H2BN1: variants seen among roughly 807,000 people sequenced by gnomAD.
The protein encoded by H2BN1 is histone H2B.N.
the H2BN1 span, among the ~76,000 whole-genome samples, chr17:32,899,541 A>G: frequency 3.9e-5 from 6 of 152,232 alleles, no homozygotes; most frequent in African/African-American, 4.8e-5. Flanking sequence ...AGGAAAGCAC[A>G]CCATTCCAGT....
chr17:32,898,883 G>GT, the H2BN1 span, among the ~76,000 whole-genome samples: 2 of 152,176 alleles, frequency 1.3e-5, no homozygotes, highest in East Asian at 1.9e-4. Flanking sequence ...TTCTTCTGAA[G>GT]TTTAAGTTGT....
the H2BN1 span, among the ~76,000 whole-genome samples, chr17:32,899,269 G>C: frequency 2.0e-5 from 3 of 152,146 alleles, no homozygotes; most frequent in African/African-American, 4.8e-5. Flanking sequence ...TTGTTCCATA[G>C]AAAGAAACTT....
the H2BN1 span, among the ~76,000 whole-genome samples, chr17:32,899,214 G>A: frequency 6.6e-6 from 1 of 152,172 alleles, no homozygotes. Context: ...AGTATAGCAA[G>A]AAAAATTTTT....
the H2BN1 span, among the ~76,000 whole-genome samples, chr17:32,901,832 C>T: frequency 6.6e-6 from 1 of 152,110 alleles, no homozygotes; most frequent in Non-Finnish European, 1.5e-5. Context: ...AAGAAAATTT[C>T]ATTGTTCTAA....
the H2BN1 span, among the ~76,000 whole-genome samples, chr17:32,897,032 A>C: frequency 6.6e-6 from 1 of 152,026 alleles, no homozygotes; most frequent in Non-Finnish European, 1.5e-5. Context: ...GCCACCTTGT[A>C]CCTCCCAAGG....
chr17:32,900,668 G>A, the H2BN1 span, among the ~76,000 whole-genome samples: 6 of 151,758 alleles, frequency 4.0e-5, no homozygotes, highest in African/African-American at 1.5e-4. Flanking sequence ...TGCAAGCTGC[G>A]TCTCTGGGGT....
At chr17:32,901,218 T>C in the H2BN1 span, among the ~76,000 whole-genome samples, 1 of 152,080 alleles carries the variant, frequency 6.6e-6, no homozygotes, top group South Asian at 2.1e-4. Context: ...AAAAAAATTT[T>C]TTTTTTTAAA....
At chr17:32,905,701 A>C in the H2BN1 span, 1 of 152,200 alleles carries the variant, frequency 6.6e-6, no homozygotes, top group African/African-American at 2.4e-5. Flanking sequence ...TAAGATGTAC[A>C]TTGGTTCCAT....
chr17:32,898,667 G>T, the H2BN1 span, among the ~76,000 whole-genome samples: 2 of 152,094 alleles, frequency 1.3e-5, no homozygotes, highest in Non-Finnish European at 2.9e-5. Context: ...TTTTTAGATG[G>T]GTAGGTCTTG....
At chr17:32,898,320 C>T in the H2BN1 span, among the ~76,000 whole-genome samples, 3 of 152,206 alleles carry the variant, frequency 2.0e-5, no homozygotes, top group Non-Finnish European at 2.9e-5. Context: ...CAACTTGAGT[C>T]GAAGGCAGGA....
At chr17:32,903,889 T>G in the H2BN1 span, among the ~76,000 whole-genome samples, 1 of 152,186 alleles carries the variant, frequency 6.6e-6, no homozygotes, top group South Asian at 2.1e-4. Flanking sequence ...AGCTGTGGCC[T>G]CAGGTTTTTT....
At chr17:32,895,587 T>TG in the H2BN1 span, among the ~76,000 whole-genome samples, 1 of 152,246 alleles carries the variant, frequency 6.6e-6, no homozygotes, top group South Asian at 2.1e-4. Flanking sequence ...TTTAGTTACA[T>TG]GGGGAAAATC....
chr17:32,900,170 T>C, the H2BN1 span, among the ~76,000 whole-genome samples: 1 of 152,258 alleles, frequency 6.6e-6, no homozygotes, highest in African/African-American at 2.4e-5. Context: ...ATCAGAATTA[T>C]AGGAATTTCC....
the H2BN1 span, among the ~76,000 whole-genome samples, chr17:32,901,154 C>A: frequency 6.6e-6 from 1 of 151,878 alleles, no homozygotes; most frequent in East Asian, 1.9e-4. Context: ...TTGCACTGAG[C>A]CATTATCACG....
chr17:32,897,642 G>C, the H2BN1 span, among the ~76,000 whole-genome samples: 2 of 152,216 alleles, frequency 1.3e-5, no homozygotes, highest in African/African-American at 4.8e-5. Flanking sequence ...GTGGAACACA[G>C]ATAAGGGAGC....
the H2BN1 span, among the ~76,000 whole-genome samples, chr17:32,902,434 ACCTTACTG>A: frequency 2.6e-5 from 4 of 152,206 alleles, no homozygotes; most frequent in Non-Finnish European, 5.9e-5. Context: ...CCCCAAACAA[ACCTTACTG>A]CCTGTAGACT....
chr17:32,899,649 AG>A, the H2BN1 span, among the ~76,000 whole-genome samples: 1 of 152,260 alleles, frequency 6.6e-6, no homozygotes, highest in Non-Finnish European at 1.5e-5. Context: ...TATTTTCAAA[AG>A]TTAAGAATAC....
At chr17:32,898,906 C>T in the H2BN1 span, among the ~76,000 whole-genome samples, 3 of 152,048 alleles carry the variant, frequency 2.0e-5, no homozygotes, top group Non-Finnish European at 2.9e-5. Context: ...AGTTTCAGTT[C>T]GTAGGGTTTT....
At chr17:32,901,474 A>G in the H2BN1 span, among the ~76,000 whole-genome samples, 2 of 152,142 alleles carry the variant, frequency 1.3e-5, no homozygotes, top group Non-Finnish European at 2.9e-5. Flanking sequence ...GGAGTTGAAT[A>G]ATTTTAATTT....
Sources: gnomAD v4.1 joint callset for allele counts (sites outside exome capture counted in the v4.1 genomes callset) on GRCh38, gnomAD v4.1.1 for gene constraint, MANE v1.5 for transcripts, NCBI Gene and HGNC (gene_info 2026-07-23, HGNC 2026-07-21) for gene names.